The following NDUFA7 variants were observed in gnomAD, a reference collection of about 807,000 sequenced individuals.
The protein encoded by NDUFA7 is NADH dehydrogenase [ubiquinone] 1 alpha subcomplex subunit 7.
Under a neutral mutation model 14.2 loss-of-function variants are expected in NDUFA7, and 18 were observed. That is an observed-to-expected ratio of 1.27 (90% CI 0.88 to 1.88). The LOEUF is 1.88. Ranked by LOEUF, NDUFA7 falls within the 40% of genes most tolerant of loss-of-function variation. The pLI is 0.00. For synonymous variants in NDUFA7, 75 were observed against 62.1 expected (o/e 1.21, Z -0.98); for missense variants, 172 against 147.3 (o/e 1.17, Z -0.87).
At chr19:8,319,131 A>T (rs1970270724) in intron 2 of NDUFA7, among the ~76,000 whole-genome samples, 1 of 151,886 alleles carries the variant, frequency 6.6e-6, no homozygotes, top group South Asian at 2.1e-4. Context: ...GGGGGGAGAG[A>T]GCATCAGGAA....
At chr19:8,318,125 G>A (rs751621728) in intron 2 of NDUFA7, among the ~76,000 whole-genome samples, 3 of 152,100 alleles carry the variant, frequency 2.0e-5, no homozygotes, top group Non-Finnish European at 4.4e-5. Flanking sequence ...CAAGGTGGAA[G>A]GATTGCTTGA....
At chr19:8,315,826 G>A (rs970655261) in intron 3 of NDUFA7, among the ~76,000 whole-genome samples, 5 of 151,860 alleles carry the variant, frequency 3.3e-5, no homozygotes, top group African/African-American at 1.2e-4. Context: ...CCTGGGCGAC[G>A]CAGGGAGACT....
intron 3 of NDUFA7, among the ~76,000 whole-genome samples, chr19:8,312,085 G>C (rs1970185211): frequency 6.6e-6 from 1 of 152,232 alleles, no homozygotes; most frequent in Non-Finnish European, 1.5e-5. Flanking sequence ...GAAGACTCAG[G>C]CTGGTGGGGC....
intron 3 of NDUFA7, 149 bp from the exon 4 acceptor site, chr19:8,311,744 T>G (rs1447220226): frequency 1.7e-6 from 1 of 595,018 alleles, no homozygotes; most frequent in African/African-American, 1.9e-5. Flanking sequence ...TGCCAACCCC[T>G]CCAACGCAGC....
At chr19:8,310,199 G>A (rs1204324358), downstream of NDUFA7, among the ~76,000 whole-genome samples, 4 of 152,140 alleles carry the variant, frequency 2.6e-5, no homozygotes, top group Non-Finnish European at 4.4e-5. Flanking sequence ...GGAGGCAGAG[G>A]TGGGCGGATC....
At chr19:8,319,878 T>C (rs1329989989) in intron 2 of NDUFA7, among the ~76,000 whole-genome samples, 1 of 152,088 alleles carries the variant, frequency 6.6e-6, no homozygotes, top group Non-Finnish European at 1.5e-5. Context: ...CAGAGTGTTG[T>C]TCTGTCACCC....
At chr19:8,320,987 T>C (rs2145402032) in intron 1 of NDUFA7, 81 bp from the exon 2 acceptor site, 1 of 1,508,156 alleles carries the variant, frequency 6.6e-7, no homozygotes, top group South Asian at 1.1e-5. Flanking sequence ...CCAGGGATGG[T>C]CCGGGGATGC....
chr19:8,311,780 G>A (rs1386326457), intron 3 of NDUFA7, among the ~76,000 whole-genome samples, 185 bp from the exon 4 acceptor site: 2 of 152,138 alleles, frequency 1.3e-5, no homozygotes, highest in Non-Finnish European at 2.9e-5. Context: ...CCAACGCCAG[G>A]TGGGAGCTAG....
In NDUFA7 at chr19:8,311,546, T is replaced by C. The variant is rs370391932; in HGVS notation, c.301A>G (p.Ile101Val). 15 of 1,612,692 alleles carry C rather than the reference T, an allele frequency of 9.3e-6. No individual in the cohort carries two copies. The African/African-American group carries it at 1.1e-4, about 11-fold the overall frequency. The change falls in exon 4 of 4, where the codon ATA (isoleucine) becomes GTA (valine). Residue 101 changes from isoleucine (I) to valine (V), a missense_variant. Ile to Val is a conservative substitution (Grantham distance 29). Coordinates refer to ENST00000301457, the MANE Select transcript of NDUFA7 (RefSeq NM_005001.5). ...EKKAVTPAPP[I>V]KRWELSSDQP... is the part of the protein sequence containing the mutation. ...TCCGAGGACAGCTCCCACCTCTTTA[T>C]GGGAGGAGCTGGAGTCACCGCCTTC...
downstream of NDUFA7, among the ~76,000 whole-genome samples, chr19:8,309,926 G>A (rs1002478212): frequency 6.6e-6 from 1 of 152,182 alleles, no homozygotes; most frequent in Admixed American, 6.5e-5. Context: ...CTTCTGGGGC[G>A]AATTCATTCT....
At chr19:8,314,116 G>C (rs1008529328) in intron 3 of NDUFA7, among the ~76,000 whole-genome samples, 2 of 152,078 alleles carry the variant, frequency 1.3e-5, no homozygotes, top group Admixed American at 1.3e-4. Context: ...GAGGTCAGGA[G>C]TTCAAGACCG....
chr19:8,318,537 G>C (rs1271014901), intron 2 of NDUFA7, among the ~76,000 whole-genome samples: 2 of 151,824 alleles, frequency 1.3e-5, no homozygotes, highest in African/African-American at 4.8e-5. Flanking sequence ...ACGGTAACAT[G>C]TGCCTGTAAT....
chr19:8,312,759 G>A (rs7508675), intron 3 of NDUFA7, among the ~76,000 whole-genome samples: 2,357 of 152,186 alleles, frequency 0.015, 60 homozygotes, highest in African/African-American at 0.055. Context: ...CGACCTCCCA[G>A]GTTCAAGAGA....
intron 1 of NDUFA7, 93 bp downstream of exon 1, chr19:8,321,215 T>C: frequency 7.2e-7 from 1 of 1,380,480 alleles, no homozygotes; most frequent in African/African-American, 1.5e-5. Flanking sequence ...GAGCGAAGGG[T>C]CCCGGCTTAG....
intron 3 of NDUFA7, among the ~76,000 whole-genome samples, chr19:8,313,401 T>C (rs892188068): frequency 2.0e-5 from 3 of 152,024 alleles, no homozygotes; most frequent in African/African-American, 7.2e-5. Flanking sequence ...TGGCTAATTT[T>C]TTGTATTTTT....
In NDUFA7 at chr19:8,316,143, C is replaced by T. The variant is rs565358837; in HGVS notation, c.251+353G>A. ...CAGCCTGGGTGACAGAGTGAGACTC[C>T]GTCTCAAAAAAAAAAAAAAAAAAAA... On this transcript the variant is annotated intron_variant, in intron 3 of 3. Coordinates refer to ENST00000301457, the MANE Select transcript of NDUFA7 (RefSeq NM_005001.5). Among the ~76,000 whole-genome samples the T allele has an allele frequency of 7.8e-3, 733 of 94,278 alleles. 80 individuals carry two copies. In the South Asian group the frequency reaches 0.21, roughly 27 times the overall value. The allele number at this position is 94,278 out of a possible 152,430, so 61.9% of individuals were successfully genotyped here.
downstream of NDUFA7, chr19:8,308,637 C>CT: frequency 1.8e-5 from 6 of 327,362 alleles, no homozygotes; most frequent in South Asian, 3.9e-5. Flanking sequence ...CCACGCCCCT[C>CT]AGGCACTCCG....
chr19:8,310,825 G>C (rs1326888512), downstream of NDUFA7: 1 of 149,084 alleles, frequency 6.7e-6, no homozygotes, highest in Non-Finnish European at 1.5e-5. Context: ...CTGAGGTCAG[G>C]AATTTGAGAC....
At chr19:8,312,851 G>T (rs1268754711) in intron 3 of NDUFA7, among the ~76,000 whole-genome samples, 1 of 152,120 alleles carries the variant, frequency 6.6e-6, no homozygotes, top group Admixed American at 6.6e-5. Flanking sequence ...TTTTTGTAGA[G>T]ATGGGGTTTC....
Sources: allele counts gnomAD v4.1 joint callset (sites outside exome capture counted in the v4.1 genomes callset), GRCh38; gene constraint gnomAD v4.1.1; transcripts MANE v1.5; gene names NCBI Gene and HGNC (gene_info 2026-07-23, HGNC 2026-07-21).